MAGI2: variants seen among roughly 807,000 people sequenced by gnomAD.
MAGI2 encodes the protein membrane associated guanylate kinase, WW and PDZ domain containing 2.
Under a neutral mutation model 133.3 loss-of-function variants are expected in MAGI2, and 35 were observed. The observed-to-expected ratio is 0.26, with a 90% CI of 0.20 to 0.35. The LOEUF (loss-of-function observed/expected upper bound fraction) is 0.35, where lower values mean the gene tolerates loss of function less well. MAGI2 is among the 10% of genes least tolerant of loss of function. The probability of loss-of-function intolerance (pLI) is 1.00; values close to 1 mark genes in which losing one functional copy is unlikely to be tolerated. For synonymous variants in MAGI2, 729 were observed against 710.6 expected, an observed-to-expected ratio of 1.03 and a Z score of -0.41; for missense variants, 1,636 against 1,863.4, an observed-to-expected ratio of 0.88 and a Z score of 2.25.
At chr7:78,143,014 C>G (rs900176991) in intron 16 of MAGI2, among the ~76,000 whole-genome samples, 1 of 152,114 alleles carries the variant, frequency 6.6e-6, no homozygotes, top group Non-Finnish European at 1.5e-5. Context: ...AATATTAACC[C>G]TATTTCGGCA....
intron 1 of MAGI2, among the ~76,000 whole-genome samples, chr7:79,178,885 A>G (rs1826362966): frequency 6.6e-6 from 1 of 152,020 alleles, no homozygotes; most frequent in Non-Finnish European, 1.5e-5. Context: ...TCAACACAAG[A>G]TAAATCATTG....
intron 1 of MAGI2, among the ~76,000 whole-genome samples, chr7:79,216,982 T>C (rs539413649): frequency 2.0e-5 from 3 of 152,224 alleles, no homozygotes; most frequent in African/African-American, 7.2e-5. Context: ...AGAAACATCA[T>C]TGTTAATTGA....
intron 3 of MAGI2, chr7:78,614,448 GCA>G (rs1244594227): frequency 9.9e-5 from 15 of 152,122 alleles, no homozygotes; most frequent in East Asian, 9.7e-4. Flanking sequence ...TTTAAATCCA[GCA>G]CATTCATTAG....
At chr7:79,205,538 T>C (rs1828971454) in intron 1 of MAGI2, among the ~76,000 whole-genome samples, 1 of 151,650 alleles carries the variant, frequency 6.6e-6, no homozygotes, top group African/African-American at 2.4e-5. Flanking sequence ...AATATGAAAA[T>C]ATATGAAAGT....
At chr7:78,683,452 T>G (rs1003208006) in intron 2 of MAGI2, among the ~76,000 whole-genome samples, 6 of 152,138 alleles carry the variant, frequency 3.9e-5, no homozygotes, top group Non-Finnish European at 7.3e-5. Context: ...GTTATTGGAT[T>G]TACTGATTAG....
chr7:79,434,605 G>A (rs572899986), intron 1 of MAGI2, among the ~76,000 whole-genome samples: 1 of 152,240 alleles, frequency 6.6e-6, no homozygotes, highest in African/African-American at 2.4e-5. Context: ...ATAATATAGT[G>A]AACTCTAAAT....
At chr7:79,178,966 G>T (rs1051309269) in intron 1 of MAGI2, among the ~76,000 whole-genome samples, 1 of 151,830 alleles carries the variant, frequency 6.6e-6, no homozygotes, top group Non-Finnish European at 1.5e-5. Context: ...AAAAATTGAA[G>T]ATTTAGTAAA....
intron 6 of MAGI2, among the ~76,000 whole-genome samples, chr7:78,409,590 A>G (rs1797688690): frequency 6.6e-6 from 1 of 152,244 alleles, no homozygotes; most frequent in African/African-American, 2.4e-5. Context: ...CCTTTATTAC[A>G]CACATTGCTC....
At chr7:78,345,643 A>G (rs1790826868) in intron 8 of MAGI2, 2 of 368,366 alleles carry the variant, frequency 5.4e-6, no homozygotes, top group Admixed American at 4.3e-5. Context: ...GTCTCTATGA[A>G]TCTCTCAGTT....
intron 1 of MAGI2, among the ~76,000 whole-genome samples, chr7:79,057,823 G>A (rs536986584): frequency 4.3e-4 from 65 of 152,210 alleles, no homozygotes; most frequent in African/African-American, 1.5e-3. Flanking sequence ...CTTCCATAGG[G>A]GTGGTTGGGT....
intron 2 of MAGI2, among the ~76,000 whole-genome samples, chr7:78,724,847 T>C (rs1429468264): frequency 1.3e-5 from 2 of 152,140 alleles, no homozygotes; most frequent in African/African-American, 2.4e-5. Flanking sequence ...CCATTTTACT[T>C]CAGAAGGATG....
At chr7:79,368,707 G>A (rs1367101355) in intron 1 of MAGI2, among the ~76,000 whole-genome samples, 1 of 151,160 alleles carries the variant, frequency 6.6e-6, no homozygotes, top group Admixed American at 6.6e-5. Context: ...AATTAGCCGG[G>A]CGTAGTGGCG....
rs138494501 is a variant in MAGI2, at chr7:78,790,427, T to C, written c.419-163188A>G. Among the ~76,000 whole-genome samples, 162 of 152,266 alleles carry C rather than the reference T, an allele frequency of 1.1e-3. 2 individuals carry two copies. The highest frequency in any genetic ancestry group is 1.6e-3 in the Admixed American group (25 of 15,294). ...TGAAATTTAGATCACTTTGCCTTCC[T>C]GGAGTTCAGATTTTTTGGTTTTTGG... On this transcript the variant is annotated intron_variant, in intron 2 of 21. Coordinates refer to ENST00000354212, the MANE Select transcript of MAGI2 (RefSeq NM_012301.4).
intron 9 of MAGI2, among the ~76,000 whole-genome samples, chr7:78,286,701 A>G (rs1412737629): frequency 1.3e-5 from 2 of 152,144 alleles, no homozygotes; most frequent in African/African-American, 4.8e-5. Flanking sequence ...AGAATGGTCA[A>G]GGAGAAAGAG....
chr7:79,048,498 AT>A (rs1306187754), intron 1 of MAGI2, among the ~76,000 whole-genome samples: 2 of 152,274 alleles, frequency 1.3e-5, no homozygotes, highest in East Asian at 1.9e-4. Context: ...CTGCTAAAAC[AT>A]TTTTTAGTGT....
At chr7:78,206,920 A>G (rs1377575999) in intron 10 of MAGI2, among the ~76,000 whole-genome samples, 2 of 152,206 alleles carry the variant, frequency 1.3e-5, no homozygotes, top group African/African-American at 4.8e-5. Context: ...CATGCCCTAA[A>G]GCTGTGTGTT....
chr7:78,341,915 CTA>C (rs1193673238), intron 9 of MAGI2, among the ~76,000 whole-genome samples: 1 of 152,128 alleles, frequency 6.6e-6, no homozygotes, highest in Non-Finnish European at 1.5e-5. Flanking sequence ...GACTTCATGA[CTA>C]AAACACCAAA....
intron 2 of MAGI2, among the ~76,000 whole-genome samples, chr7:78,872,140 C>CA (rs1795082516): frequency 6.8e-6 from 1 of 147,736 alleles, no homozygotes; most frequent in African/African-American, 2.5e-5. Flanking sequence ...ATTCAAAGGG[C>CA]AATTTTTTTC....
intron 5 of MAGI2, among the ~76,000 whole-genome samples, chr7:78,498,031 C>T (rs975768789): frequency 9.9e-5 from 15 of 152,046 alleles, no homozygotes; most frequent in Non-Finnish European, 1.5e-4. Flanking sequence ...CTTCCTCTTA[C>T]GGTATTCTAC....
Sources: allele counts gnomAD v4.1 joint callset (sites outside exome capture counted in the v4.1 genomes callset), GRCh38; gene constraint gnomAD v4.1.1; transcripts MANE v1.5; gene names NCBI Gene and HGNC (gene_info 2026-07-23, HGNC 2026-07-21).